The following CCT2 variants were observed in gnomAD, a reference collection of about 807,000 sequenced individuals.
CCT2 encodes the protein T-complex protein 1 subunit beta.
Under a neutral mutation model 61.8 loss-of-function variants are expected in CCT2, and 18 were observed. The observed-to-expected ratio is 0.29, with a 90% confidence interval of 0.20 to 0.43. The LOEUF is 0.43. Ranked by LOEUF, CCT2 falls within the 20% of genes least tolerant of loss-of-function variation. The pLI is 1.00. For missense variants in CCT2, 556 were observed against 656.9 expected (o/e 0.85, Z 1.68); for synonymous variants, 248 against 215.9 (o/e 1.15, Z -1.30).
intron 7 of CCT2, 71 bp from the exon 8 acceptor site, chr12:69,591,988 C>G: frequency 1.3e-6 from 1 of 771,528 alleles, no homozygotes; most frequent in Non-Finnish European, 2.0e-6. Context: ...ATAAAGCAGA[C>G]AGCTTTTTAT....
At chr12:69,587,408 G>A (rs1301060721) in intron 3 of CCT2, 97 bp from the exon 4 acceptor site, 4 of 688,570 alleles carry the variant, frequency 5.8e-6, no homozygotes, top group Admixed American at 5.1e-5. Flanking sequence ...GCTATCCAGA[G>A]TGTTTATACA....
At position 69,587,773 on chromosome 12, in the gene CCT2, G is replaced by A. The variant is rs531299887; in HGVS notation, c.256+157G>A. On this transcript the variant is annotated intron_variant, in intron 4 of 15. Transcript: ENST00000299300. Reference sequence around the variant, plus strand: ...TAAAATACAAGCTTCAGGAGTGCCCGTATGTTGGTGGTAAAACTGTTGCAT... The same window carrying A: ...TAAAATACAAGCTTCAGGAGTGCCCATATGTTGGTGGTAAAACTGTTGCAT... 811 of 736,662 alleles carry A rather than the reference G, an allele frequency of 1.1e-3. 8 individuals are homozygous for A. Among genetic ancestry groups the A allele is most frequent in the Middle Eastern group, 9.2e-3 (25 of 2,706 alleles). 45.6% of individuals were successfully genotyped at this position (736,662 alleles called of 1,614,324 possible). A position where few individuals can be genotyped will look rare whatever the true frequency, so the allele number is the denominator to read the frequency against.
At position 69,587,535 on chromosome 12, in the gene CCT2, G is replaced by T. The variant is rs1315490316; in HGVS notation, c.175G>T (p.Ala59Ser). The T allele has an allele frequency of 1.2e-6, 2 of 1,612,912 alleles. No homozygotes were observed. The highest frequency in any genetic ancestry group is 1.7e-6 in the Non-Finnish European group (2 of 1,178,920). Residue 59 changes from alanine (A) to serine (S), a missense_variant, in exon 4 of 16, where the codon GCC becomes TCC. By Grantham distance (99) the Ala-to-Ser change is moderately conservative. Around this residue, in one of 3 missense-constraint regions of CCT2, gnomAD observed 308 missense variants for 350.6 expected, o/e 0.88. Transcript: ENST00000299300. ...AATTCTTCTAAGCAGTGGACGAGAT[G>T]CCTCTCTTATGGTAACCAATGATGG... ...DKILLSSGRD[A>S]SLMVTNDGAT... is the part of the protein sequence containing the mutation.
chr12:69,589,708 C>A (rs1333846855), intron 7 of CCT2, 21 bp downstream of exon 7: 21 of 1,583,916 alleles, frequency 1.3e-5, no homozygotes, highest in Non-Finnish European at 1.7e-5. Flanking sequence ...ATGTCAGATA[C>A]AAGAAGCTTT....
intron 15 of CCT2, among the ~76,000 whole-genome samples, chr12:69,600,476 C>G (rs73144556): frequency 0.093 from 14,192 of 152,230 alleles, 872 homozygotes; most frequent in Non-Finnish European, 0.14. Context: ...GATCAGGTAT[C>G]TTTTATTAGC....
intron 7 of CCT2, among the ~76,000 whole-genome samples, chr12:69,591,398 T>C (rs1881831112): frequency 6.6e-6 from 1 of 152,148 alleles, no homozygotes; most frequent in Admixed American, 6.5e-5. Flanking sequence ...GAAGGTTATA[T>C]AGCCAGCAGC....
chr12:69,601,255 T>A, intron 15 of CCT2, 40 bp from the exon 16 acceptor site: 7 of 1,508,470 alleles, frequency 4.6e-6, no homozygotes, highest in Non-Finnish European at 6.3e-6. Flanking sequence ...AAAATCATGC[T>A]CTTCATTTTT....
Position 69,592,172 on chromosome 12 carries a change from A to G in CCT2, c.750+13A>G, listed in dbSNP as rs759890021. 2 of 1,436,574 alleles carry G rather than the reference A, an allele frequency of 1.4e-6. No homozygotes were observed. 89.0% of individuals were successfully genotyped at this position (1,436,574 alleles called of 1,614,324 possible). On this transcript the variant is annotated intron_variant, in intron 8 of 15. Transcript: ENST00000299300. ...AGACAAAATAAAGGTATGTAACTCT[A>G]CTTTTTAAAAATTAAAATTACTGCC...
In CCT2 at chr12:69,601,478, A is replaced by T; in HGVS notation, c.*153A>T. 6.6e-7 allele frequency: 1 copy of T among 1,513,466 alleles called. No individual in the cohort carries two copies. Among genetic ancestry groups the T allele is most frequent in the Non-Finnish European group, 8.8e-7 (1 of 1,131,024 alleles). The allele number at this position is 1,513,466 out of a possible 1,614,324, so 93.8% of individuals were successfully genotyped here. ...CTGACCTTCGCTTTAACATAGGTCT[A>T]ATTTATTTGCCGTGTCATTTTCCAT... On this transcript the variant is annotated 3_prime_UTR_variant, in exon 16 of 16. Transcript: ENST00000299300.
At position 69,586,094 on chromosome 12, in the gene CCT2, G is replaced by C. The variant is rs965231623; in HGVS notation, c.4-176G>C. On this transcript the variant is annotated intron_variant, in intron 1 of 15. Coordinates refer to ENST00000299300, the MANE Select transcript of CCT2 (RefSeq NM_006431.3). ...GAAAAGCCATGTCGCTCTCCTACAA[G>C]TCCCTCTCTCCCACTTAAATGCTTT... 1.9e-5 allele frequency: 23 copies of C among 1,223,870 alleles called. No individual in the cohort carries two copies. The African/African-American group carries it at 3.2e-4, about 17-fold the overall frequency. 75.8% of individuals were successfully genotyped at this position (1,223,870 alleles called of 1,614,324 possible).
At chr12:69,595,304 G>A (rs974243313) in intron 10 of CCT2, among the ~76,000 whole-genome samples, 3 of 152,088 alleles carry the variant, frequency 2.0e-5, no homozygotes, top group African/African-American at 7.2e-5. Context: ...AGTTACTTAG[G>A]AGCCATTGCG....
chr12:69,594,785 A>G (rs1210709441), intron 10 of CCT2, among the ~76,000 whole-genome samples: 1 of 151,902 alleles, frequency 6.6e-6, no homozygotes, highest in Non-Finnish European at 1.5e-5. Flanking sequence ...GTCCAAGGCT[A>G]CAGTGAGCTG....
intron 10 of CCT2, among the ~76,000 whole-genome samples, chr12:69,595,908 A>G (rs1184514008): frequency 1.3e-5 from 2 of 152,154 alleles, no homozygotes; most frequent in African/African-American, 2.4e-5. Context: ...TGCAAGTGTC[A>G]TTAAATAAAT....
intron 8 of CCT2, chr12:69,592,409 G>C (rs566136194): frequency 4.5e-6 from 1 of 220,884 alleles, no homozygotes; most frequent in South Asian, 1.0e-4. Flanking sequence ...CTTGAACCCA[G>C]GAGGCGGAGG....
chr12:69,592,162 A>T lies in CCT2; in HGVS notation c.750+3A>T. On this transcript the variant is annotated splice_donor_region_variant and intron_variant, in intron 8 of 15. Coordinates refer to ENST00000299300, the MANE Select transcript of CCT2 (RefSeq NM_006431.3). ...GTATGGATACAGACAAAATAAAGGT[A>T]TGTAACTCTACTTTTTAAAAATTAA... The T allele has an allele frequency of 6.8e-7, 1 of 1,464,218 alleles. No homozygotes were observed. Among genetic ancestry groups the T allele is most frequent in the Non-Finnish European group, 9.5e-7 (1 of 1,047,748 alleles). 90.7% of individuals were successfully genotyped at this position (1,464,218 alleles called of 1,614,324 possible).
At chr12:69,596,184 A>G (rs1881984598) in intron 10 of CCT2, among the ~76,000 whole-genome samples, 3 of 152,260 alleles carry the variant, frequency 2.0e-5, no homozygotes. Flanking sequence ...TCTCACATCT[A>G]GAACACAAAG....
At chr12:69,601,194 GT>G (rs1408122681) in intron 15 of CCT2, 100 bp from the exon 16 acceptor site, 2 of 978,060 alleles carry the variant, frequency 2.0e-6, no homozygotes, top group Non-Finnish European at 3.1e-6. Context: ...AGTTATAACA[GT>G]TTTAATACAG....
chr12:69,597,814 A>C, intron 12 of CCT2, 48 bp downstream of exon 12: 1 of 1,541,296 alleles, frequency 6.5e-7, no homozygotes, highest in Non-Finnish European at 8.9e-7. Flanking sequence ...CTTAAAGTAC[A>C]ATATAAGTCA....
In CCT2 at chr12:69,597,182, C is replaced by T; in HGVS notation, c.1009C>T (p.His337Tyr). Residue 337 changes from histidine to tyrosine, a missense_variant, in exon 11 of 16, where the codon CAC becomes TAC. By Grantham distance (83) the His-to-Tyr change is moderately conservative (BLOSUM62 2). Around this residue, in one of 3 missense-constraint regions of CCT2, gnomAD observed 225 missense variants for 249.8 expected, o/e 0.90. Coordinates refer to ENST00000299300, the MANE Select transcript of CCT2 (RefSeq NM_006431.3). ...TGGEIASTFD[H>Y]PELVKLGSCK... is the part of the protein sequence containing the mutation. ...TGGTGAAATTGCCTCTACCTTTGAT[C>T]ACCCAGAACTGGTGAAGCTTGGAAG... 1 of 1,613,756 alleles carries T rather than the reference C, an allele frequency of 6.2e-7. No homozygotes were observed. Among genetic ancestry groups the T allele is most frequent in the Non-Finnish European group, 8.5e-7 (1 of 1,179,726 alleles).
Sources: gnomAD v4.1 joint callset for allele counts (sites outside exome capture counted in the v4.1 genomes callset) on GRCh38, gnomAD v4.1.1 for gene constraint, gnomAD v4.1.1 regional missense constraint, MANE v1.5 for transcripts, NCBI Gene and HGNC (gene_info 2026-07-23, HGNC 2026-07-21) for gene names.